The following DMD variants were observed in gnomAD, a reference collection of about 807,000 sequenced individuals.
DMD encodes the protein dystrophin, also known as mutant dystrophin.
In DMD, 63 loss-of-function variants were observed where a neutral mutation model predicts 330.1. That is an observed-to-expected ratio of 0.19 (90% confidence interval 0.16 to 0.24). The LOEUF is 0.24. Ranked by LOEUF, DMD falls within the 10% of genes least tolerant of loss-of-function variation. The pLI is 1.00. For missense variants in DMD, 3,344 were observed against 2,684.1 expected (o/e 1.25, Z -5.43); for synonymous variants, 1,223 against 959.8 (o/e 1.27, Z -5.07).
At chrX:31,580,626 G>T (rs2076298620) in intron 55 of DMD, among the ~76,000 whole-genome samples, 1 of 111,913 alleles carries the variant, frequency 8.9e-6, no homozygotes, top group Non-Finnish European at 1.9e-5. Context: ...GACATAAAAT[G>T]ATACTTTTGC....
At chrX:31,932,059 G>A in intron 46 of DMD, 21 bp downstream of exon 46, 1 of 1,208,625 alleles carries the variant, frequency 8.3e-7, no homozygotes, top group Non-Finnish European at 1.1e-6. Context: ...GGCCCTGGGG[G>A]ATTTGAGAAA....
At position 33,149,802 on chromosome X, in the gene DMD, GGATCAAGTTGATAC is replaced by G. The variant is rs2048192453; in HGVS notation, c.31+61466_31+61479del. On this transcript the variant is annotated intron_variant, in intron 1 of 78. Transcript: ENST00000357033. ...CATCTGCCAGCTGAGTATCATTTAG[GGATCAAGTTGATAC>G]CACATAGAGTGGAAAATCACCCAGT... is the stretch of plus-strand genomic sequence containing the variant. Among the ~76,000 whole-genome samples the G allele has an allele frequency of 9.0e-5, 10 of 111,045 alleles. No homozygotes were observed. In the Admixed American group the frequency reaches 9.7e-4, roughly 11 times the overall value.
chrX:32,439,546 G>A (rs2098273703), intron 28 of DMD, among the ~76,000 whole-genome samples: 1 of 111,126 alleles, frequency 9.0e-6, no homozygotes, highest in South Asian at 3.8e-4. Flanking sequence ...TCTTAACAAA[G>A]TATATACCTT....
chrX:32,868,016 C>A (rs756663601), intron 2 of DMD, among the ~76,000 whole-genome samples: 1 of 110,091 alleles, frequency 9.1e-6, no homozygotes, highest in South Asian at 4.1e-4. Context: ...AATCCTGCAC[C>A]AGCAACAGAG....
chrX:31,315,246 T>C lies in DMD; in HGVS notation c.9224+8352A>G, dbSNP rs774420993. On this transcript the variant is annotated intron_variant, in intron 62 of 78. Transcript: ENST00000357033. ...AAAAATGCAGCTCACACTGGGGCTA[T>C]ATCTCTATGAGTGTTTTCCTAAAAA... 2.7e-5 allele frequency among the ~76,000 whole-genome samples: 3 copies of C among 112,493 alleles called. No homozygotes were observed. In the East Asian group the frequency reaches 8.3e-4, roughly 31 times the overall value.
intron 56 of DMD, among the ~76,000 whole-genome samples, chrX:31,506,838 C>T (rs62588956): frequency 0.036 from 4,072 of 112,062 alleles, 177 homozygotes; most frequent in Admixed American, 0.19. Context: ...TAATGTGTTA[C>T]AGGTTTTATA....
At chrX:32,203,890 A>G (rs185740963) in intron 44 of DMD, among the ~76,000 whole-genome samples, 1 of 111,927 alleles carries the variant, frequency 8.9e-6, no homozygotes, top group East Asian at 2.8e-4. Context: ...AACTCCTTTT[A>G]ACATCCTTCT....
At chrX:32,190,472 T>C (rs1281440834) in intron 44 of DMD, among the ~76,000 whole-genome samples, 2 of 103,260 alleles carry the variant, frequency 1.9e-5, no homozygotes, top group East Asian at 3.0e-4. Flanking sequence ...AGTTTTATAG[T>C]GTATACATGG....
intron 60 of DMD, among the ~76,000 whole-genome samples, chrX:31,384,674 A>T (rs189793247): frequency 1.4e-4 from 16 of 111,784 alleles, no homozygotes; most frequent in African/African-American, 5.2e-4. Context: ...AACTGAAACC[A>T]TGGCCGGTTG....
intron 60 of DMD, among the ~76,000 whole-genome samples, chrX:31,433,749 A>T (rs1286092330): frequency 9.0e-6 from 1 of 111,397 alleles, no homozygotes; most frequent in Admixed American, 9.5e-5. Flanking sequence ...GTGAGCCACG[A>T]CACCCGGTCA....
At chrX:31,679,876 T>C (rs942428389) in intron 52 of DMD, among the ~76,000 whole-genome samples, 1 of 112,009 alleles carries the variant, frequency 8.9e-6, no homozygotes, top group African/African-American at 3.2e-5. Context: ...AGAAAAGCAC[T>C]ACAGCAGAAT....
intron 9 of DMD, among the ~76,000 whole-genome samples, chrX:32,684,989 T>C (rs1396960101): frequency 8.9e-6 from 1 of 112,027 alleles, no homozygotes; most frequent in African/African-American, 3.2e-5. Context: ...AATTCCTTTA[T>C]TGACTCCATA....
At chrX:31,647,157 T>A (rs974495949) in intron 54 of DMD, among the ~76,000 whole-genome samples, 1 of 112,178 alleles carries the variant, frequency 8.9e-6, no homozygotes, top group Admixed American at 9.5e-5. Context: ...TTGATAAGAA[T>A]GTTATCTATG....
Position 32,557,431 on chromosome X carries a change from C to A in DMD, c.1992+8271G>T, listed in dbSNP as rs766467587. 6.2e-5 allele frequency among the ~76,000 whole-genome samples: 7 copies of A among 112,074 alleles called. No homozygotes were observed. The South Asian group carries it at 1.8e-3, about 29-fold the overall frequency. ...GGCTCTTGACATGCTATATTGAAATCTGTGCAAAATTAGTCAAAATACACT... is the reference window on the plus strand; with the variant it reads ...GGCTCTTGACATGCTATATTGAAATATGTGCAAAATTAGTCAAAATACACT... On this transcript the variant is annotated intron_variant, in intron 16 of 78. Transcript: ENST00000357033.
At chrX:32,286,151 C>T (rs891079114) in intron 43 of DMD, among the ~76,000 whole-genome samples, 7 of 111,029 alleles carry the variant, frequency 6.3e-5, no homozygotes, top group Admixed American at 4.8e-4. Flanking sequence ...AAAACATAGC[C>T]CTTTTCTATA....
intron 44 of DMD, among the ~76,000 whole-genome samples, chrX:31,987,996 A>G (rs2150297467): frequency 8.9e-6 from 1 of 112,208 alleles, no homozygotes. Context: ...ATGGGATATT[A>G]TTGAGTCATA....
At chrX:31,223,434 A>G (rs1475168143) in intron 63 of DMD, among the ~76,000 whole-genome samples, 3 of 112,443 alleles carry the variant, frequency 2.7e-5, no homozygotes, top group Non-Finnish European at 1.9e-5. Flanking sequence ...TTTTCTAGAA[A>G]GTAATCTGGA....
At chrX:32,995,800 G>A (rs1466088774) in intron 2 of DMD, among the ~76,000 whole-genome samples, 1 of 111,754 alleles carries the variant, frequency 8.9e-6, no homozygotes, top group Non-Finnish European at 1.9e-5. Context: ...CCAGAACAAT[G>A]CTTGAAAATT....
At chrX:32,649,747 G>A (rs1455439808) in intron 9 of DMD, among the ~76,000 whole-genome samples, 1 of 110,156 alleles carries the variant, frequency 9.1e-6, no homozygotes, top group African/African-American at 3.3e-5. Context: ...TTCTAATGAA[G>A]TATACAGCAA....
Sources: gnomAD v4.1 joint callset for allele counts (sites outside exome capture counted in the v4.1 genomes callset) on GRCh38, gnomAD v4.1.1 for gene constraint, MANE v1.5 for transcripts, NCBI Gene and HGNC (gene_info 2026-07-23, HGNC 2026-07-21) for gene names.